The following EPB41L5 variants were observed in gnomAD, a reference collection of about 807,000 sequenced individuals.
EPB41L5 encodes the protein band 4.1-like protein 5.
EPB41L5 carries 55 observed loss-of-function variants against 106.6 expected under a neutral mutation model. The observed-to-expected ratio is 0.52, with a 90% CI of 0.42 to 0.65. The LOEUF is 0.65. Among genes scored for constraint, EPB41L5 ranks in the 30% least tolerant of loss-of-function variants. The pLI is 0.00. For synonymous variants in EPB41L5, 297 were observed against 306.7 expected (o/e 0.97, Z 0.33); for missense variants, 871 against 882.1 (o/e 0.99, Z 0.16).
chr2:120,114,066 C>G (rs1399962105), intron 16 of EPB41L5, among the ~76,000 whole-genome samples: 2 of 152,116 alleles, frequency 1.3e-5, no homozygotes, highest in East Asian at 3.9e-4. Context: ...TGAGGAACTG[C>G]CAAATTGTTT....
intron 12 of EPB41L5, among the ~76,000 whole-genome samples, chr2:120,091,102 A>G (rs538061504): frequency 6.6e-6 from 1 of 152,240 alleles, no homozygotes; most frequent in Admixed American, 6.5e-5. Flanking sequence ...AAAAGTAAGG[A>G]GGCATTTTCT....
At position 120,091,651 on chromosome 2, in the gene EPB41L5, A is replaced by T. The variant is rs771204000; in HGVS notation, c.1140A>T (p.Leu380=). ...GCAAACGATATTCTAGACGAACTCT[A>T]CAAATGAAAGGTGAAGTGCAACCCT... ...RPSKRYSRRT[L]QMKACATKPE... Residue 380 remains leucine (L), a synonymous_variant, in exon 13 of 25, where the codon CTA becomes CTT. Transcript: ENST00000263713. The T allele has an allele frequency of 6.2e-7, 1 of 1,612,008 alleles. No individual in the cohort carries two copies. The highest frequency in any genetic ancestry group is 1.7e-5 in the Admixed American group (1 of 59,948).
At chr2:120,163,980 CTTTTTTTTT>C (rs70949387) in intron 21 of EPB41L5, among the ~76,000 whole-genome samples, 1 of 68,140 alleles carries the variant, frequency 1.5e-5, no homozygotes, top group East Asian at 4.8e-4. Flanking sequence ...TTTGTATTTA[CTTTTTTTTT>C]TTTTTTTTTT....
At chr2:120,071,983 C>A (rs866144270) in intron 3 of EPB41L5, among the ~76,000 whole-genome samples, 4 of 151,884 alleles carry the variant, frequency 2.6e-5, no homozygotes. Context: ...ATCATCAGAG[C>A]GAACAGGCAA....
intron 19 of EPB41L5, among the ~76,000 whole-genome samples, chr2:120,144,762 T>TA (rs1270615191): frequency 6.6e-6 from 1 of 152,190 alleles, no homozygotes; most frequent in African/African-American, 2.4e-5. Context: ...AACATTAACT[T>TA]AAAAGTTCTT....
intron 3 of EPB41L5, among the ~76,000 whole-genome samples, chr2:120,060,176 A>G (rs1416125954): frequency 6.6e-6 from 1 of 152,232 alleles, no homozygotes; most frequent in Non-Finnish European, 1.5e-5. Context: ...TTGTAAAGTG[A>G]TATCGCTACT....
chr2:120,019,764 T>C (rs1677800255), intron 2 of EPB41L5, among the ~76,000 whole-genome samples: 2 of 152,210 alleles, frequency 1.3e-5, no homozygotes, highest in Non-Finnish European at 2.9e-5. Context: ...ATTAATGAGG[T>C]GAAGTGAGAA....
At chr2:120,053,063 C>G (rs1047653343) in intron 3 of EPB41L5, among the ~76,000 whole-genome samples, 1 of 152,208 alleles carries the variant, frequency 6.6e-6, no homozygotes, top group Admixed American at 6.5e-5. Context: ...CTAATTATTT[C>G]TGGACTGAGT....
chr2:120,144,287 A>C (rs533665262), intron 19 of EPB41L5, among the ~76,000 whole-genome samples: 57 of 152,304 alleles, frequency 3.7e-4, no homozygotes, highest in African/African-American at 1.3e-3. Flanking sequence ...GGCGCCATCT[A>C]TGAGGAATGG....
At position 120,176,433 on chromosome 2, in the gene EPB41L5, C is replaced by T. The variant is rs1228911492; in HGVS notation, c.*1526C>T. On this transcript the variant is annotated 3_prime_UTR_variant, in exon 25 of 25. Coordinates refer to ENST00000263713, the MANE Select transcript of EPB41L5 (RefSeq NM_020909.4). ...GCTCCTTATAACATAATCGTGTGTCCAGGCAAACGCACACTAGTGTCTGAC... is the reference window on the plus strand; with the variant it reads ...GCTCCTTATAACATAATCGTGTGTCTAGGCAAACGCACACTAGTGTCTGAC... 1 of 152,174 alleles carries T rather than the reference C, an allele frequency of 6.6e-6. No individual in the cohort carries two copies. The highest frequency in any genetic ancestry group is 1.5e-5 in the Non-Finnish European group (1 of 68,034). The allele number at this position is 152,174 out of a possible 1,614,324, so 9.4% of individuals were successfully genotyped here. A position where few individuals can be genotyped will look rare whatever the true frequency, so the allele number is the denominator to read the frequency against.
chr2:120,172,211 C>G (rs1687709285), intron 24 of EPB41L5, among the ~76,000 whole-genome samples: 2 of 152,060 alleles, frequency 1.3e-5, no homozygotes, highest in Non-Finnish European at 2.9e-5. Flanking sequence ...AGAAAGATTA[C>G]AGTCAATGGA....
intron 3 of EPB41L5, among the ~76,000 whole-genome samples, chr2:120,047,873 G>T (rs1679917631): frequency 6.6e-6 from 1 of 152,184 alleles, no homozygotes; most frequent in Non-Finnish European, 1.5e-5. Flanking sequence ...AGCACGAAGG[G>T]CTGTTGAATT....
intron 10 of EPB41L5, among the ~76,000 whole-genome samples, chr2:120,085,268 C>T (rs930317933): frequency 6.6e-5 from 10 of 152,124 alleles, no homozygotes; most frequent in Non-Finnish European, 1.2e-4. Flanking sequence ...TACCTTTGGT[C>T]TTTGATGATG....
intron 20 of EPB41L5, among the ~76,000 whole-genome samples, chr2:120,151,569 C>G (rs1686677137): frequency 6.6e-6 from 1 of 151,212 alleles, no homozygotes; most frequent in African/African-American, 2.4e-5. Context: ...CTCGGCCTCC[C>G]AAAGTGCTGG....
At chr2:120,165,023 A>G in intron 22 of EPB41L5, 113 bp downstream of exon 22, 4 of 775,898 alleles carry the variant, frequency 5.2e-6, no homozygotes, top group Non-Finnish European at 6.1e-6. Flanking sequence ...TCATTTGATA[A>G]GAGTTTATGT....
chr2:120,071,165 A>G (rs562686642), intron 3 of EPB41L5, among the ~76,000 whole-genome samples: 2 of 152,332 alleles, frequency 1.3e-5, no homozygotes, highest in East Asian at 1.9e-4. Context: ...TCAATGTGCA[A>G]AAATCACAAG....
rs772662688 is a variant in EPB41L5, at chr2:120,143,058, G to C, written c.1655G>C (p.Gly552Ala). 1.9e-6 allele frequency: 3 copies of C among 1,612,974 alleles called. No homozygotes were observed. In the South Asian group the frequency reaches 3.3e-5, roughly 18 times the overall value. ...KCLNNVIESP[G>A]LNVMRVPPDF... ...CTTAATAATGTCATTGAGAGCCCAGGATTGAATGTCATGAGAGTTCCTCCT... is the reference window on the plus strand; with the variant it reads ...CTTAATAATGTCATTGAGAGCCCAGCATTGAATGTCATGAGAGTTCCTCCT... The change falls in exon 19 of 25, where the codon GGA (glycine) becomes GCA (alanine). Residue 552 changes from glycine (G) to alanine (A), a missense_variant. Physicochemically the swap from Gly to Ala is moderately conservative, Grantham distance 60. Coordinates refer to ENST00000263713, the MANE Select transcript of EPB41L5 (RefSeq NM_020909.4).
intron 10 of EPB41L5, among the ~76,000 whole-genome samples, chr2:120,085,361 T>C (rs971777573): frequency 6.6e-6 from 1 of 152,206 alleles, no homozygotes; most frequent in Non-Finnish European, 1.5e-5. Flanking sequence ...TGTTGGAGTT[T>C]GCTGGAGGTC....
chr2:120,071,800 C>T (rs1466192550), intron 3 of EPB41L5, among the ~76,000 whole-genome samples: 6 of 151,840 alleles, frequency 4.0e-5, no homozygotes, highest in African/African-American at 9.7e-5. Flanking sequence ...AAGACTTAAA[C>T]GTGTAAAACC....
Sources: gnomAD v4.1 joint callset for allele counts (sites outside exome capture counted in the v4.1 genomes callset) on GRCh38, gnomAD v4.1.1 for gene constraint, MANE v1.5 for transcripts, NCBI Gene and HGNC (gene_info 2026-07-23, HGNC 2026-07-21) for gene names.